ADAMTSL1: variants seen among roughly 807,000 people sequenced by gnomAD.
ADAMTSL1 encodes the protein ADAMTS-like protein 1.
Under a neutral mutation model 201.8 loss-of-function variants are expected in ADAMTSL1, and 126 were observed. That is an observed-to-expected ratio of 0.62 (90% CI 0.54 to 0.72). The LOEUF (loss-of-function observed/expected upper bound fraction) is 0.72. Among genes scored for constraint, ADAMTSL1 ranks in the 30% least tolerant of loss-of-function variants. The probability of loss-of-function intolerance (pLI) is 0.00; values close to 1 mark genes in which losing one functional copy is unlikely to be tolerated. For synonymous variants in ADAMTSL1, 1,121 were observed against 903.4 expected, an observed-to-expected ratio of 1.24 and a Z score of -4.32; for missense variants, 2,679 against 2,277.8, an observed-to-expected ratio of 1.18 and a Z score of -3.59.
At chr9:18,499,964 C>A (rs180704871) in intron 1 of ADAMTSL1, among the ~76,000 whole-genome samples, 2 of 152,054 alleles carry the variant, frequency 1.3e-5, no homozygotes, top group African/African-American at 4.8e-5. Context: ...CCTGTATATG[C>A]GTGTCTCTGA....
intron 1 of ADAMTSL1, among the ~76,000 whole-genome samples, chr9:17,978,006 T>C (rs1818523435): frequency 6.6e-6 from 1 of 152,022 alleles, no homozygotes. Context: ...TTGGATATGA[T>C]TGTTTCTATT....
chr9:18,816,063 C>T (rs1823830299), intron 20 of ADAMTSL1, among the ~76,000 whole-genome samples: 1 of 152,146 alleles, frequency 6.6e-6, no homozygotes, highest in Non-Finnish European at 1.5e-5. Context: ...CCCTACTGTG[C>T]AATATAATAC....
chr9:18,437,218 T>C (rs576932525), intron 2 of ADAMTSL1, among the ~76,000 whole-genome samples: 30 of 152,144 alleles, frequency 2.0e-4, no homozygotes, highest in African/African-American at 7.0e-4. Flanking sequence ...ACTTCCTCAA[T>C]AGCAGCAACA....
Position 18,781,841 on chromosome 9 carries a change from A to C in ADAMTSL1, c.3677+3935A>C, listed in dbSNP as rs146056465. 1.1e-4 allele frequency among the ~76,000 whole-genome samples: 16 copies of C among 152,318 alleles called. No individual in the cohort carries two copies. The East Asian group carries it at 3.1e-3, about 29-fold the overall frequency. ...AGCAAGATAGGTCCAGGTCAGAAAA[A>C]AGTGAGAGAAGTCTGTTATTTCTTT... On this transcript the variant is annotated intron_variant, in intron 19 of 28. Coordinates refer to ENST00000380548, the MANE Select transcript of ADAMTSL1 (RefSeq NM_001040272.6).
chr9:18,258,425 G>A (rs564185608), intron 2 of ADAMTSL1, among the ~76,000 whole-genome samples: 1 of 152,340 alleles, frequency 6.6e-6, no homozygotes, highest in South Asian at 2.1e-4. Context: ...ATAGGAGAAA[G>A]GAGGATGGGG....
intron 14 of ADAMTSL1, among the ~76,000 whole-genome samples, chr9:18,713,725 A>C (rs1485558886): frequency 6.7e-6 from 1 of 149,162 alleles, no homozygotes; most frequent in Non-Finnish European, 1.5e-5. Context: ...CCAGGAATTG[A>C]ACTCAGCTCT....
chr9:18,147,794 A>G (rs1587157614), intron 1 of ADAMTSL1, among the ~76,000 whole-genome samples: 1 of 152,274 alleles, frequency 6.6e-6, no homozygotes, highest in East Asian at 1.9e-4. Flanking sequence ...TAGGCATGAA[A>G]ATGAACATAG....
chr9:18,571,661 C>G lies in ADAMTSL1; in HGVS notation c.238-2369C>G, dbSNP rs75840412. On this transcript the variant is annotated intron_variant, in intron 3 of 28. Transcript: ENST00000380548. ...AGCAGCACCTTGACAGAGACTCTAT[C>G]GTATCTCAAGTGGGGAAATTTAAGG... is the stretch of plus-strand genomic sequence containing the variant. 9.5e-3 allele frequency among the ~76,000 whole-genome samples: 1,440 copies of G among 152,248 alleles called. 19 individuals are homozygous for G. Among genetic ancestry groups the G allele is most frequent in the African/African-American group, 0.032 (1,327 of 41,526 alleles).
At chr9:17,926,673 C>A (rs1826549006) in intron 1 of ADAMTSL1, among the ~76,000 whole-genome samples, 1 of 152,182 alleles carries the variant, frequency 6.6e-6, no homozygotes, top group Non-Finnish European at 1.5e-5. Context: ...CAATCAAATT[C>A]AAGAGGATTG....
chr9:18,151,736 C>G (rs905337696), intron 1 of ADAMTSL1, among the ~76,000 whole-genome samples: 10 of 150,306 alleles, frequency 6.7e-5, no homozygotes, highest in African/African-American at 2.2e-4. Flanking sequence ...ACACATGGCC[C>G]AAAACACATG....
intron 13 of ADAMTSL1, among the ~76,000 whole-genome samples, chr9:18,703,401 T>C (rs1209235197): frequency 6.6e-6 from 1 of 152,072 alleles, no homozygotes; most frequent in African/African-American, 2.4e-5. Context: ...TATCAGATAT[T>C]TTTCTTTTGA....
At position 18,817,144 on chromosome 9, in the gene ADAMTSL1, A is replaced by T; in HGVS notation, c.3841A>T (p.Ile1281Phe). 3 of 1,603,814 alleles carry T rather than the reference A, an allele frequency of 1.9e-6. No homozygotes were observed. The highest frequency in any genetic ancestry group is 1.3e-5 in the African/African-American group (1 of 74,962). ...AGTGAAAACGTCACGAATGACAGTG[A>T]TCAACACGGAGAAGCCTGCAGTCAC... ...PLVKTSRMTV[I>F]NTEKPAVTVD... The change falls in exon 21 of 29, where the codon ATC (isoleucine) becomes TTC (phenylalanine). Residue 1281 changes from isoleucine (I) to phenylalanine (F), a missense_variant. Ile to Phe is a conservative substitution (Grantham distance 21). Transcript: ENST00000380548.
At position 18,504,934 on chromosome 9, in the gene ADAMTSL1, C is replaced by A; in HGVS notation, c.169C>A (p.Leu57Met). The change falls in exon 2 of 29, where the codon CTG becomes ATG. Residue 57 changes from leucine to methionine, a missense_variant. Transcript: ENST00000380548. ...RTCGGGASYS[L>M]RRCLSSKSCE... The stretch of plus-strand genomic sequence containing the variant: ...CTGCGGGGGTGGGGCCTCCTACTCT[C>A]TGAGGCGCTGCCTGAGCAGCAAGTA... The A allele has an allele frequency of 6.2e-7, 1 of 1,610,344 alleles. No homozygotes were observed. Among genetic ancestry groups the A allele is most frequent in the Non-Finnish European group, 8.5e-7 (1 of 1,179,304 alleles).
In ADAMTSL1 at chr9:18,203,276, G is replaced by A. The variant is rs139024661; in HGVS notation, c.207+39295G>A. On this transcript the variant is annotated intron_variant, in intron 2 of 29. Transcript: ENST00000680146. ...GAGAGAACCAGGGACTATATTCACC[G>A]GCTGACGCTTCTGCCCAGACATGAG... Among the ~76,000 whole-genome samples the A allele has an allele frequency of 4.1e-4, 63 of 152,116 alleles. 1 individual carries two copies. In the South Asian group the frequency reaches 0.01, roughly 25 times the overall value.
At chr9:18,273,269 C>T (rs750570917) in intron 2 of ADAMTSL1, among the ~76,000 whole-genome samples, 5 of 152,252 alleles carry the variant, frequency 3.3e-5, no homozygotes, top group African/African-American at 7.2e-5. Context: ...TCAGTAGAGA[C>T]GGAGTTTCAC....
intron 9 of ADAMTSL1, among the ~76,000 whole-genome samples, chr9:18,670,683 A>G (rs1434213434): frequency 1.3e-5 from 2 of 152,242 alleles, no homozygotes; most frequent in African/African-American, 2.4e-5. Context: ...CACACTGATG[A>G]CATAAGTTCA....
At chr9:18,038,243 C>T (rs931284097) in intron 1 of ADAMTSL1, among the ~76,000 whole-genome samples, 2 of 152,146 alleles carry the variant, frequency 1.3e-5, no homozygotes, top group African/African-American at 4.8e-5. Context: ...GGCTATTAAT[C>T]AGGCAGCAGC....
chr9:18,887,254 A>G (rs907350333), intron 23 of ADAMTSL1, among the ~76,000 whole-genome samples: 1 of 152,206 alleles, frequency 6.6e-6, no homozygotes, highest in Non-Finnish European at 1.5e-5. Flanking sequence ...AGATGTGTAT[A>G]ATATTGTACA....
chr9:18,327,018 C>A (rs1236169182), intron 2 of ADAMTSL1, among the ~76,000 whole-genome samples: 2 of 152,170 alleles, frequency 1.3e-5, no homozygotes, highest in African/African-American at 4.8e-5. Context: ...TATTTAAGAT[C>A]TGTTTAGCAA....
Sources: allele counts gnomAD v4.1 joint callset (sites outside exome capture counted in the v4.1 genomes callset), GRCh38; gene constraint gnomAD v4.1.1; transcripts MANE v1.5; gene names NCBI Gene and HGNC (gene_info 2026-07-23, HGNC 2026-07-21).